SORCS2: variants seen among roughly 807,000 people sequenced by gnomAD.
The protein encoded by SORCS2 is sortilin related VPS10 domain containing receptor 2, also known as VPS10 domain-containing receptor SorCS2.
A neutral mutation model predicts 141.6 loss-of-function variants in SORCS2; 100 were observed. That is an observed-to-expected ratio of 0.71 (90% confidence interval 0.60 to 0.83). The LOEUF (loss-of-function observed/expected upper bound fraction) is 0.83. Ranked by LOEUF, SORCS2 falls within the 40% of genes least tolerant of loss-of-function variation. The probability of loss-of-function intolerance (pLI) is 0.00; values close to 1 mark genes in which losing one functional copy is unlikely to be tolerated. For missense variants in SORCS2, 1,646 were observed against 1,560.2 expected (o/e 1.05, Z -0.93); for synonymous variants, 789 against 676.9 (o/e 1.17, Z -2.57).
chr4:7,733,984 G>GCT (rs1711933387), intron 24 of SORCS2, among the ~76,000 whole-genome samples: 1 of 152,284 alleles, frequency 6.6e-6, no homozygotes, highest in South Asian at 2.1e-4. Context: ...CCACACCAAG[G>GCT]AGGCTGTGGC....
At chr4:7,665,119 C>G (rs1271104500) in intron 7 of SORCS2, among the ~76,000 whole-genome samples, 1 of 152,168 alleles carries the variant, frequency 6.6e-6, no homozygotes, top group African/African-American at 2.4e-5. Flanking sequence ...CCCTGTAAAA[C>G]AAATCCAAAG....
At chr4:7,483,789 C>G (rs1730805850) in intron 2 of SORCS2, among the ~76,000 whole-genome samples, 1 of 152,086 alleles carries the variant, frequency 6.6e-6, no homozygotes, top group African/African-American at 2.4e-5. Context: ...CGACAAATAC[C>G]TAATGAATGC....
intron 3 of SORCS2, among the ~76,000 whole-genome samples, chr4:7,605,680 C>T (rs1718011417): frequency 6.6e-6 from 1 of 152,168 alleles, no homozygotes; most frequent in Non-Finnish European, 1.5e-5. Context: ...GGCCGTCTCC[C>T]TGGTGGATGT....
At chr4:7,242,893 C>T (rs570321263) in intron 1 of SORCS2, among the ~76,000 whole-genome samples, 197 of 152,310 alleles carry the variant, frequency 1.3e-3, no homozygotes, top group Middle Eastern at 6.8e-3. Flanking sequence ...CCGTCACAAT[C>T]GCTTGGCCCA....
chr4:7,395,634 C>G (rs1048383376), intron 1 of SORCS2, among the ~76,000 whole-genome samples: 2 of 131,684 alleles, frequency 1.5e-5, no homozygotes, highest in Non-Finnish European at 3.2e-5. Context: ...TCTGCACAGG[C>G]CTGAAATGCA....
chr4:7,377,164 G>C (rs1451400613), intron 1 of SORCS2, among the ~76,000 whole-genome samples: 1 of 152,092 alleles, frequency 6.6e-6, no homozygotes, highest in African/African-American at 2.4e-5. Context: ...TCATAACATT[G>C]TTTGTCTTTT....
chr4:7,449,340 C>T (rs139268452), intron 2 of SORCS2, among the ~76,000 whole-genome samples: 30 of 70,890 alleles, frequency 4.2e-4, no homozygotes, highest in African/African-American at 1.8e-3. Context: ...TTCTCCCTTC[C>T]TTCTTCCCTC....
intron 8 of SORCS2, among the ~76,000 whole-genome samples, chr4:7,668,479 G>C (rs1006553376): frequency 1.3e-5 from 2 of 152,164 alleles, no homozygotes; most frequent in Non-Finnish European, 2.9e-5. Context: ...TGAGAGTGGA[G>C]TGGGAGGGGC....
intron 9 of SORCS2, among the ~76,000 whole-genome samples, chr4:7,678,634 C>T (rs1018513271): frequency 1.3e-5 from 2 of 150,560 alleles, no homozygotes; most frequent in Admixed American, 1.3e-4. Flanking sequence ...GAGCCACACA[C>T]ACAGGCCTCA....
intron 3 of SORCS2, among the ~76,000 whole-genome samples, chr4:7,579,715 C>T (rs1245537045): frequency 2.0e-5 from 3 of 152,162 alleles, no homozygotes; most frequent in African/African-American, 4.8e-5. Flanking sequence ...GTGAAGCATT[C>T]AGTGTGCAGA....
In SORCS2 at chr4:7,726,824, C is replaced by G; in HGVS notation, c.2790C>G (p.Asp930Glu). ...ATTCTGTGACAACGCGGTTTTCGGA[C>G]ACGGGCGACGTGCGTGTGACGGTGC... ...LDNSVTTRFS[D>E]TGDVRVTVQA... The change falls in exon 21 of 27, where the codon GAC (aspartate) becomes GAG (glutamate). Residue 930 changes from aspartate to glutamate, a missense_variant. By Grantham distance (45) the Asp-to-Glu change is conservative (BLOSUM62 2). Transcript: ENST00000507866. 1 of 1,613,868 alleles carries G rather than the reference C, an allele frequency of 6.2e-7. No individual in the cohort carries two copies. The highest frequency in any genetic ancestry group is 8.5e-7 in the Non-Finnish European group (1 of 1,179,844).
At chr4:7,268,934 A>G (rs1298094951) in intron 1 of SORCS2, among the ~76,000 whole-genome samples, 1 of 152,022 alleles carries the variant, frequency 6.6e-6, no homozygotes, top group East Asian at 1.9e-4. Context: ...GGCAGAGGGA[A>G]GGAGGGAGGT....
intron 1 of SORCS2, among the ~76,000 whole-genome samples, chr4:7,216,025 C>G (rs1728330048): frequency 6.6e-6 from 1 of 152,172 alleles, no homozygotes; most frequent in South Asian, 2.1e-4. Flanking sequence ...TGCAATAAAT[C>G]TTGCTACTGC....
intron 2 of SORCS2, among the ~76,000 whole-genome samples, chr4:7,460,584 G>A (rs576856008): frequency 2.0e-5 from 3 of 152,346 alleles, no homozygotes; most frequent in African/African-American, 7.2e-5. Flanking sequence ...GACTGGAGTG[G>A]CATCCGTGTC....
intron 2 of SORCS2, among the ~76,000 whole-genome samples, chr4:7,493,406 A>G (rs1236374111): frequency 6.6e-6 from 1 of 152,146 alleles, no homozygotes; most frequent in Non-Finnish European, 1.5e-5. Flanking sequence ...GGGGCACAGC[A>G]GCTTCCCGAG....
chr4:7,499,977 A>T (rs1731860940), intron 2 of SORCS2, among the ~76,000 whole-genome samples: 1 of 152,092 alleles, frequency 6.6e-6, no homozygotes, highest in Non-Finnish European at 1.5e-5. Context: ...CCTGGTTTCT[A>T]GGCCGCATCA....
At chr4:7,686,266 A>G (rs989800438) in intron 10 of SORCS2, among the ~76,000 whole-genome samples, 3 of 152,244 alleles carry the variant, frequency 2.0e-5, no homozygotes, top group African/African-American at 7.2e-5. Context: ...TCTTGAATTC[A>G]GCATAAAACT....
chr4:7,288,123 C>T (rs866803184), intron 1 of SORCS2, among the ~76,000 whole-genome samples: 2 of 152,176 alleles, frequency 1.3e-5, no homozygotes, highest in East Asian at 1.9e-4. Flanking sequence ...TTTAAGCACT[C>T]GAGAGCTCGG....
intron 3 of SORCS2, among the ~76,000 whole-genome samples, chr4:7,550,465 G>C (rs570475516): frequency 6.6e-6 from 1 of 152,234 alleles, no homozygotes; most frequent in Admixed American, 6.5e-5. Flanking sequence ...GGCGGCTTTG[G>C]TGGTGATCGG....
Sources: gnomAD v4.1 joint callset for allele counts (sites outside exome capture counted in the v4.1 genomes callset) on GRCh38, gnomAD v4.1.1 for gene constraint, MANE v1.5 for transcripts, NCBI Gene and HGNC (gene_info 2026-07-23, HGNC 2026-07-21) for gene names.